Variants in NEB observed in about 807,000 individuals in gnomAD.
NEB encodes nebulin.
NEB carries 512 observed loss-of-function variants against 952.2 expected under a neutral mutation model. The ratio of observed to expected loss-of-function variants is 0.54; its 90% CI spans 0.50 to 0.58. The LOEUF (loss-of-function observed/expected upper bound fraction) is 0.58, where lower values mean the gene tolerates loss of function less well. Among genes scored for constraint, NEB ranks in the 20% least tolerant of loss-of-function variants. The probability of loss-of-function intolerance (pLI) is 0.00; values close to 1 mark genes in which losing one functional copy is unlikely to be tolerated. For synonymous variants in NEB, 2,900 were observed against 3,149.8 expected (o/e 0.92, Z 2.66); for missense variants, 8,428 against 9,231.1 (o/e 0.91, Z 3.56).
At chr2:151,706,436 T>A (rs2099706605) in intron 13 of NEB, among the ~76,000 whole-genome samples, 1 of 152,198 alleles carries the variant, frequency 6.6e-6, no homozygotes, top group Non-Finnish European at 1.5e-5. Flanking sequence ...GGGCTCTTAA[T>A]AATTACACAA....
intron 107 of NEB, among the ~76,000 whole-genome samples, chr2:151,572,030 G>A (rs2096646331): frequency 6.6e-6 from 1 of 152,204 alleles, no homozygotes; most frequent in Non-Finnish European, 1.5e-5. Context: ...ATATTAAAAT[G>A]TACAAGAAGG....
intron 10 of NEB, among the ~76,000 whole-genome samples, chr2:151,715,669 C>T (rs916299449): frequency 2.0e-5 from 3 of 152,222 alleles, no homozygotes; most frequent in South Asian, 2.1e-4. Context: ...GAACTGAATC[C>T]GTGATCTTAG....
Position 151,540,747 on chromosome 2 carries a change from G to T in NEB, c.20737C>A (p.Gln6913Lys). 6.2e-7 allele frequency: 1 copy of T among 1,613,626 alleles called. No homozygotes were observed. Among genetic ancestry groups the T allele is most frequent in the Non-Finnish European group, 8.5e-7 (1 of 1,179,658 alleles). Residue 6913 changes from glutamine (Q) to lysine (K), a missense_variant, in exon 137 of 182, where the codon CAG (glutamine) becomes AAG (lysine). Gln to Lys is a moderately conservative substitution (Grantham distance 53). Transcript: ENST00000397345. ...KERPHHHAGN[Q>K]TTALKHAKDV... ...TTAGCATGCTTCAAGGCTGTGGTCT[G>T]GTTTCCAGCGTGATGATGGGGTCTC...
In NEB at chr2:151,537,923, A is replaced by G. The variant is rs767655200; in HGVS notation, c.21051T>C (p.Pro7017=). Residue 7017 remains proline (P), a synonymous_variant, in exon 140 of 182, where the codon CCT becomes CCC. Transcript: ENST00000397345. Reference sequence around the variant, plus strand: ...GGTGGTGGAAATGCTCTGGACGATCAGGAATGGACCTCCAGATACCCAACT... The same window carrying G: ...GGTGGTGGAAATGCTCTGGACGATCGGGAATGGACCTCCAGATACCCAACT... ...MSQLGIWRSI[P]DRPEHFHHRA... The G allele has an allele frequency of 5.0e-6, 8 of 1,613,290 alleles. No individual in the cohort carries two copies. In the Admixed American group the frequency reaches 1.2e-4, roughly 24 times the overall value.
At position 151,565,724 on chromosome 2, in the gene NEB, T is replaced by C; in HGVS notation, c.18253A>G (p.Met6085Val). 2 of 1,611,918 alleles carry C rather than the reference T, an allele frequency of 1.2e-6. No homozygotes were observed. The highest frequency in any genetic ancestry group is 1.7e-6 in the Non-Finnish European group (2 of 1,178,950). ...GAATAGGCTTTGCGTACCTGACTCA[T>C]CATTTCCTGGTTCTTAGTAACCCTT... Reference protein sequence around the residue: ...HVRVTKNQEMMSQIKYKKNAL... With the variant: ...HVRVTKNQEMVSQIKYKKNAL... Residue 6085 changes from methionine to valine, a missense_variant, in exon 115 of 182, where the codon ATG becomes GTG. Physicochemically the swap from Met to Val is conservative, Grantham distance 21 (BLOSUM62 1). Coordinates refer to ENST00000397345, the MANE Select transcript of NEB (RefSeq NM_001164508.2).
chr2:151,557,441 AAGG>A (rs2095734192), intron 124 of NEB, among the ~76,000 whole-genome samples: 1 of 152,190 alleles, frequency 6.6e-6, no homozygotes, highest in Non-Finnish European at 1.5e-5. Context: ...CCAGAGGTAC[AAGG>A]AGGAGCTGGT....
In NEB at chr2:151,613,596, G is replaced by T. The variant is rs116550691; in HGVS notation, c.11601+680C>A. Among the ~76,000 whole-genome samples the T allele has an allele frequency of 5.2e-3, 787 of 152,236 alleles. 8 individuals are homozygous for T. Among genetic ancestry groups the T allele is most frequent in the African/African-American group, 0.017 (720 of 41,538 alleles). ...ATCTTTTTATGTCCTATTATAGTTTGATATAGTTTGGCTCTGCATCTTCAT... is the reference window on the plus strand; with the variant it reads ...ATCTTTTTATGTCCTATTATAGTTTTATATAGTTTGGCTCTGCATCTTCAT... On this transcript the variant is annotated intron_variant, in intron 77 of 181. Coordinates refer to ENST00000397345, the MANE Select transcript of NEB (RefSeq NM_001164508.2).
At chr2:151,534,510 G>A (rs940973534) in intron 142 of NEB, among the ~76,000 whole-genome samples, 2 of 152,220 alleles carry the variant, frequency 1.3e-5, no homozygotes, top group Admixed American at 6.5e-5. Flanking sequence ...AGGCTGGAGT[G>A]TGGGATAGGT....
In NEB at chr2:151,506,393, G is replaced by A. The variant is rs1041809616; in HGVS notation, c.23557-135C>T. 3.9e-5 allele frequency: 26 copies of A among 659,984 alleles called. 1 individual carries two copies. Among genetic ancestry groups the A allele is most frequent in the Admixed American group, 2.6e-4 (10 of 38,416 alleles). 40.9% of individuals were successfully genotyped at this position (659,984 alleles called of 1,614,324 possible). On this transcript the variant is annotated intron_variant, in intron 163 of 181. Transcript: ENST00000397345. Reference sequence around the variant, plus strand: ...GTTCCCAGGCAAGTGCCAGAGCATCGCACCTGACATTTCCATGTCAGTATC... The same window carrying A: ...GTTCCCAGGCAAGTGCCAGAGCATCACACCTGACATTTCCATGTCAGTATC...
At chr2:151,568,777 G>C (rs1336431727) in intron 110 of NEB, 61 bp from the exon 111 acceptor site, 1 of 1,204,340 alleles carries the variant, frequency 8.3e-7, no homozygotes, top group Non-Finnish European at 1.2e-6. Context: ...GAACTGAGAA[G>C]ATACACTAAA....
chr2:151,693,337 T>C (rs545200284), intron 20 of NEB, among the ~76,000 whole-genome samples: 169 of 152,280 alleles, frequency 1.1e-3, no homozygotes, highest in Non-Finnish European at 1.8e-3. Context: ...GCGTGTGCCA[T>C]GGTGGTTTGC....
chr2:151,529,535 T>A (rs2089236399), intron 145 of NEB, among the ~76,000 whole-genome samples: 1 of 71,738 alleles, frequency 1.4e-5, no homozygotes, highest in African/African-American at 3.5e-5. Context: ...TGCCATATAA[T>A]TTTTTTTTTT....
Position 151,709,751 on chromosome 2 carries a change from C to A in NEB, c.940G>T (p.Glu314Ter). The change falls in exon 12 of 182, where the codon GAA (glutamate) becomes TAA (stop). Residue 314 changes from glutamate (E) to a stop codon, truncating the protein, a stop_gained. Transcript: ENST00000397345. LOFTEE classifies it high-confidence loss of function. ...TGGTCTTTCATGTTTTCAAAATCTT[C>A]CTGGTATTTCCTCTGTAAGACATCA... is the stretch of plus-strand genomic sequence containing the variant. ...ADNISTRKYQ[E>*]DFENMKDQIY... 6.3e-7 allele frequency: 1 copy of A among 1,595,702 alleles called. No homozygotes were observed.
At chr2:151,529,136 T>G (rs2088770644) in intron 146 of NEB, 74 bp downstream of exon 146, 1 of 961,494 alleles carries the variant, frequency 1.0e-6, no homozygotes, top group Non-Finnish European at 1.7e-6. Flanking sequence ...CCTGAAGAGA[T>G]GTAAAAAGAG....
chr2:151,529,534 A>ATT (rs202085388), intron 145 of NEB, among the ~76,000 whole-genome samples: 148 of 144,820 alleles, frequency 1.0e-3, no homozygotes, highest in Admixed American at 2.8e-3. Flanking sequence ...TTGCCATATA[A>ATT]TTTTTTTTTT....
intron 68 of NEB, among the ~76,000 whole-genome samples, chr2:151,628,762 T>G (rs189814602): frequency 2.1e-4 from 32 of 152,274 alleles, no homozygotes; most frequent in Middle Eastern, 6.8e-3. Flanking sequence ...CTTGGGAGGC[T>G]GAGGCAGGAG....
At chr2:151,634,088 C>T (rs917609683) in intron 64 of NEB, 123 bp from the exon 65 acceptor site, 3 of 1,142,786 alleles carry the variant, frequency 2.6e-6, no homozygotes, top group East Asian at 5.0e-5. Flanking sequence ...TAACTCAAGC[C>T]AGTATCCTGG....
At chr2:151,715,733 A>G (rs1320829265) in intron 10 of NEB, among the ~76,000 whole-genome samples, 3 of 152,198 alleles carry the variant, frequency 2.0e-5, no homozygotes, top group Admixed American at 1.3e-4. Context: ...TAAGCCACCC[A>G]ATGTATGGTA....
In NEB at chr2:151,678,080, T is replaced by C. The variant is rs370560340; in HGVS notation, c.3363A>G (p.Gln1121=). Residue 1121 remains glutamine (Q), a synonymous_variant, in exon 33 of 182, where the codon CAA becomes CAG. Transcript: ENST00000397345. The part of the protein sequence containing the change: ...LVHYMNVAKI[Q]SDREYKKDYE... Reference sequence around the variant, plus strand: ...AGTCTTTTTTATACTCCCGATCTGATTGTATCTTGGCCACGTTCATATAAT... The same window carrying C: ...AGTCTTTTTTATACTCCCGATCTGACTGTATCTTGGCCACGTTCATATAAT... The C allele has an allele frequency of 1.2e-6, 2 of 1,613,922 alleles. No individual in the cohort carries two copies. Among genetic ancestry groups the C allele is most frequent in the Admixed American group, 1.7e-5 (1 of 60,018 alleles).
Sources: gnomAD v4.1 joint callset for allele counts (sites outside exome capture counted in the v4.1 genomes callset) on GRCh38, gnomAD v4.1.1 for gene constraint, MANE v1.5 for transcripts, NCBI Gene and HGNC (gene_info 2026-07-23, HGNC 2026-07-21) for gene names.